The following UBE2S variants were observed in gnomAD, a reference collection of about 807,000 sequenced individuals.
UBE2S encodes the protein ubiquitin-conjugating enzyme E2 S.
In UBE2S, 3 loss-of-function variants were observed where a neutral mutation model predicts 12.3. The observed-to-expected ratio is 0.24, with a 90% CI of 0.11 to 0.63. The LOEUF (loss-of-function observed/expected upper bound fraction) is 0.63, where lower values mean the gene tolerates loss of function less well. Ranked by LOEUF, UBE2S falls within the 30% of genes least tolerant of loss-of-function variation. UBE2S has a pLI of 0.85. For synonymous variants in UBE2S, 133 were observed against 142.0 expected (o/e 0.94, Z 0.45); for missense variants, 211 against 313.9 (o/e 0.67, Z 2.48).
intron 2 of UBE2S, among the ~76,000 whole-genome samples, chr19:55,405,371 T>C (rs1407036491): frequency 2.0e-5 from 3 of 151,982 alleles, no homozygotes; most frequent in Admixed American, 6.6e-5. Context: ...TAGCTGGGCA[T>C]GGTGGTGCAC....
chr19:55,402,168 C>T (rs193196253), intron 3 of UBE2S, among the ~76,000 whole-genome samples: 5 of 152,340 alleles, frequency 3.3e-5, no homozygotes, highest in East Asian at 1.9e-4. Context: ...TCTGGTTCAA[C>T]GAGTGAGGCC....
intron 3 of UBE2S, chr19:55,403,061 G>C (rs74593881): frequency 7.3e-7 from 1 of 1,363,818 alleles, no homozygotes; most frequent in East Asian, 2.5e-5. Context: ...GAGCCATCTC[G>C]TACGCTGCAG....
At position 55,404,534 on chromosome 19, in the gene UBE2S, A is replaced by C; in HGVS notation, c.152-56T>G. 1.0e-5 allele frequency: 15 copies of C among 1,486,390 alleles called. No homozygotes were observed. Among genetic ancestry groups the C allele is most frequent in the East Asian group, 2.4e-5 (1 of 42,404 alleles). 92.1% of individuals were successfully genotyped at this position (1,486,390 alleles called of 1,614,324 possible). ...GCACTCAGGAGTCCCAAGGCACCTC[A>C]ACACCCCAAAGTCCAGTCTCCACGG... On this transcript the variant is annotated intron_variant, in intron 2 of 3. Coordinates refer to ENST00000264552, the MANE Select transcript of UBE2S (RefSeq NM_014501.3). This position sits in a 1 kb window ranked among gnomAD's most constrained non-coding sequence, Gnocchi z 4.4.
At position 55,406,972 on chromosome 19, in the gene UBE2S, G is replaced by A. The variant is rs1181710250; in HGVS notation, c.4-10C>T. On this transcript the variant is annotated splice_polypyrimidine_tract_variant and intron_variant, in intron 1 of 3. Coordinates refer to ENST00000264552, the MANE Select transcript of UBE2S (RefSeq NM_014501.3). Reference sequence around the variant, plus strand: ...TCTCCACGTTGGAGTTCTGGGCACGGATGGGAGAGCAGGGTGAGCGAGTGT... The same window carrying A: ...TCTCCACGTTGGAGTTCTGGGCACGAATGGGAGAGCAGGGTGAGCGAGTGT... 1.9e-6 allele frequency: 3 copies of A among 1,612,932 alleles called. No homozygotes were observed. The highest frequency in any genetic ancestry group is 2.5e-6 in the Non-Finnish European group (3 of 1,179,402).
At chr19:55,402,922 GTTAAC>G in intron 3 of UBE2S, 1 of 1,524,858 alleles carries the variant, frequency 6.6e-7, no homozygotes. Flanking sequence ...TAGAAATTTG[GTTAAC>G]TTTTTTTTTT....
Position 55,404,500 on chromosome 19 carries a change from AG to A in UBE2S, c.152-23del, listed in dbSNP as rs1474194137. The A allele has an allele frequency of 6.3e-7, 1 of 1,581,658 alleles. No individual in the cohort carries two copies. Among genetic ancestry groups the A allele is most frequent in the African/African-American group, 1.3e-5 (1 of 74,576 alleles). On this transcript the variant is annotated intron_variant, in intron 2 of 3. Transcript: ENST00000264552. This position sits in a 1 kb window ranked among gnomAD's most constrained non-coding sequence, Gnocchi z 4.4. The stretch of plus-strand genomic sequence containing the variant: ...CCCTCTGGAGTGGAGGGAGGGGTAC[AG>A]GGTCAGGGCACTCAGGAGTCCCAAG...
Position 55,404,167 on chromosome 19 carries a change from T to C in UBE2S, c.342+121A>G, listed in dbSNP as rs1415836931. 10 of 1,284,976 alleles carry C rather than the reference T, an allele frequency of 7.8e-6. No individual in the cohort carries two copies. The highest frequency in any genetic ancestry group is 2.5e-5 in the East Asian group (1 of 39,780). 79.6% of individuals were successfully genotyped at this position (1,284,976 alleles called of 1,614,324 possible). A position where few individuals can be genotyped will look rare whatever the true frequency, so the allele number is the denominator to read the frequency against. ...GGAAAGCTAGCAACATGGATTTTTA[T>C]GTGGAAACCTTCAACCACTTCAGAG... On this transcript the variant is annotated intron_variant, in intron 3 of 3. Coordinates refer to ENST00000264552, the MANE Select transcript of UBE2S (RefSeq NM_014501.3). This position sits in a 1 kb window ranked among gnomAD's most constrained non-coding sequence, Gnocchi z 4.4.
rs1159581155 is a variant in UBE2S, at chr19:55,399,816, G to T, written c.*1620C>A. On this transcript the variant is annotated 3_prime_UTR_variant, in exon 4 of 4. Coordinates refer to ENST00000264552, the MANE Select transcript of UBE2S (RefSeq NM_014501.3). ...GTGGGTTCCGAGGCCCAGGATGCAG[G>T]CACCTTCCTTCAGCAAGGACTGTTT... 1 of 152,224 alleles carries T rather than the reference G, an allele frequency of 6.6e-6. No individual in the cohort carries two copies. The highest frequency in any genetic ancestry group is 2.4e-5 in the African/African-American group (1 of 41,458). The allele number at this position is 152,224 out of a possible 1,614,324, so 9.4% of individuals were successfully genotyped here. A position where few individuals can be genotyped will look rare whatever the true frequency, so the allele number is the denominator to read the frequency against.
At position 55,404,615 on chromosome 19, in the gene UBE2S, C is replaced by CT; in HGVS notation, c.152-138dup. On this transcript the variant is annotated intron_variant, in intron 2 of 3. Coordinates refer to ENST00000264552, the MANE Select transcript of UBE2S (RefSeq NM_014501.3). The surrounding 1 kb of genome is among the most constrained non-coding windows in gnomAD (Gnocchi z 4.4). ...AACTCTGCCAACAGACTGGAGGATTCTTTTTTTCTTTTTTTGAAATAAGGT... is the reference window on the plus strand; with the variant it reads ...AACTCTGCCAACAGACTGGAGGATTCTTTTTTTTCTTTTTTTGAAATAAGGT... 2.7e-6 allele frequency: 2 copies of CT among 754,384 alleles called. No homozygotes were observed. The highest frequency in any genetic ancestry group is 2.0e-5 in the South Asian group (1 of 51,194). 46.7% of individuals were successfully genotyped at this position (754,384 alleles called of 1,614,324 possible).
chr19:55,404,791 T>C lies in UBE2S; in HGVS notation c.152-313A>G, dbSNP rs1331193023. Among the ~76,000 whole-genome samples the C allele has an allele frequency of 6.6e-6, 1 of 152,068 alleles. No individual in the cohort carries two copies. The highest frequency in any genetic ancestry group is 1.5e-5 in the Non-Finnish European group (1 of 67,968). Reference sequence around the variant, plus strand: ...CTGGCTACTTTTTTATTTTAAGAGATAGGGTCTCACTATGTTGCCCAAGCT... The same window carrying C: ...CTGGCTACTTTTTTATTTTAAGAGACAGGGTCTCACTATGTTGCCCAAGCT... On this transcript the variant is annotated intron_variant, in intron 2 of 3. Coordinates refer to ENST00000264552, the MANE Select transcript of UBE2S (RefSeq NM_014501.3). The surrounding 1 kb of genome is among the most constrained non-coding windows in gnomAD (Gnocchi z 4.4).
At position 55,407,198 on chromosome 19, in the gene UBE2S, C is replaced by A. The variant is rs191434162; in HGVS notation, c.4-236G>T. Among the ~76,000 whole-genome samples, 850 of 149,948 alleles carry A rather than the reference C, an allele frequency of 5.7e-3. 15 individuals carry two copies. Among genetic ancestry groups the A allele is most frequent in the African/African-American group, 0.02 (824 of 40,562 alleles). ...AGATAACTCCACCCACCCCAGAACC[C>A]CCCCCCCAAAGCCCGCTCCTAACCC... is the stretch of plus-strand genomic sequence containing the variant. On this transcript the variant is annotated intron_variant, in intron 1 of 3. Transcript: ENST00000264552.
chr19:55,403,214 C>T (rs1374916418), intron 3 of UBE2S: 1 of 627,138 alleles, frequency 1.6e-6, no homozygotes, highest in African/African-American at 1.8e-5. Flanking sequence ...GGTTTATGAA[C>T]CCTATCGCTA....
At chr19:55,406,706 C>A (rs753506285) in intron 2 of UBE2S, 109 bp downstream of exon 2, 28 of 1,416,802 alleles carry the variant, frequency 2.0e-5, no homozygotes, top group Non-Finnish European at 2.6e-5. Context: ...TGCATCCCAA[C>A]ACCTGACACG....
chr19:55,404,641 C>T lies in UBE2S; in HGVS notation c.152-163G>A, dbSNP rs1040771000. 1.2e-4 allele frequency among the ~76,000 whole-genome samples: 18 copies of T among 152,100 alleles called. No individual in the cohort carries two copies. The highest frequency in any genetic ancestry group is 2.4e-5 in the African/African-American group (1 of 41,402). ...TTTTTTTCTTTTTTTGAAATAAGGT[C>T]TCTTGTGTCACCCAGGCTGGAGTGC... On this transcript the variant is annotated intron_variant, in intron 2 of 3. Transcript: ENST00000264552. This position sits in a 1 kb window ranked among gnomAD's most constrained non-coding sequence, Gnocchi z 4.4.
At chr19:55,407,105 A>T in intron 1 of UBE2S, 143 bp from the exon 2 acceptor site, 1 of 1,006,966 alleles carries the variant, frequency 9.9e-7, no homozygotes, top group African/African-American at 1.7e-5. Context: ...CTCACCCAGG[A>T]TGCTTCAGGC....
In UBE2S at chr19:55,405,463, T is replaced by C. The variant is rs565187717; in HGVS notation, c.152-985A>G. Among the ~76,000 whole-genome samples, 324 of 151,938 alleles carry C rather than the reference T, an allele frequency of 2.1e-3. 1 individual carries two copies. Among genetic ancestry groups the C allele is most frequent in the Non-Finnish European group, 3.5e-3 (239 of 67,956 alleles). On this transcript the variant is annotated intron_variant, in intron 2 of 3. Coordinates refer to ENST00000264552, the MANE Select transcript of UBE2S (RefSeq NM_014501.3). The stretch of plus-strand genomic sequence containing the variant: ...GGCAGAGGTTGCAGTGAGCAGAGAT[T>C]GTGCTATTGCACTCCAGCCTAGGCG...
rs770567371 is a variant in UBE2S, at chr19:55,401,459, T to G, written c.646A>C (p.Lys216Gln). The G allele has an allele frequency of 3.1e-6, 5 of 1,606,390 alleles. No individual in the cohort carries two copies. The South Asian group carries it at 4.4e-5, about 14-fold the overall frequency. Reference protein sequence around the residue: ...KLAAKKKTDKKRALRRL With the variant: ...KLAAKKKTDKQRALRRL ...CACTACAGCCGCCGCAGCGCCCGCTTCTTGTCCGTCTTTTTCTTGGCCGCC... is the reference window on the plus strand; with the variant it reads ...CACTACAGCCGCCGCAGCGCCCGCTGCTTGTCCGTCTTTTTCTTGGCCGCC... The change falls in exon 4 of 4, where the codon AAG becomes CAG. Residue 216 changes from lysine to glutamine, a missense_variant. Transcript: ENST00000264552.
Position 55,404,565 on chromosome 19 carries a change from T to C in UBE2S, c.152-87A>G, listed in dbSNP as rs941261573. 7 of 1,279,678 alleles carry C rather than the reference T, an allele frequency of 5.5e-6. No individual in the cohort carries two copies. The highest frequency in any genetic ancestry group is 1.5e-5 in the African/African-American group (1 of 66,686). 79.3% of individuals were successfully genotyped at this position (1,279,678 alleles called of 1,614,324 possible). On this transcript the variant is annotated intron_variant, in intron 2 of 3. Transcript: ENST00000264552. The surrounding 1 kb of genome is among the most constrained non-coding windows in gnomAD (Gnocchi z 4.4). ...CCAAAGTCCAGTCTCCACGGTCTGA[T>C]TGTGATGCAGGTGGGTGCCCCGCCA...
rs1335901053 is a variant in UBE2S at position 55,404,381 on chromosome 19, G to A, written c.249C>T (p.Ile83=). 1 of 1,613,810 alleles carries A rather than the reference G, an allele frequency of 6.2e-7. No homozygotes were observed. The highest frequency in any genetic ancestry group is 8.5e-7 in the Non-Finnish European group (1 of 1,179,842). The change falls in exon 3 of 4, where the codon ATC becomes ATT. Residue 83 remains isoleucine, a synonymous_variant. Coordinates refer to ENST00000264552, the MANE Select transcript of UBE2S (RefSeq NM_014501.3). This position sits in a 1 kb window ranked among gnomAD's most constrained non-coding sequence, Gnocchi z 4.4. The stretch of plus-strand genomic sequence containing the variant: ...CATTGGCGCCCACGTTCGGGTGGAA[G>A]ATCTTGGTCAGGAAGTAGCCCTTGG... ...SPPKGYFLTK[I]FHPNVGANGE...
Sources: gnomAD v4.1 joint callset for allele counts (sites outside exome capture counted in the v4.1 genomes callset) on GRCh38, gnomAD v4.1.1 for gene constraint, Gnocchi (gnomAD v3.1) non-coding constraint, MANE v1.5 for transcripts, NCBI Gene and HGNC (gene_info 2026-07-23, HGNC 2026-07-21) for gene names.